The following OXR1 variants were observed in gnomAD, a reference collection of about 807,000 sequenced individuals.
The protein encoded by OXR1 is oxidation resistance protein 1.
A neutral mutation model predicts 104.6 loss-of-function variants in OXR1; 41 were observed. That is an observed-to-expected ratio of 0.39 (90% CI 0.31 to 0.51). The LOEUF is 0.51. Ranked by LOEUF, OXR1 falls within the 20% of genes least tolerant of loss-of-function variation. OXR1 has a pLI of 0.77. For synonymous variants in OXR1, 348 were observed against 348.4 expected (o/e 1.00, Z 0.01); for missense variants, 955 against 1,031.9 (o/e 0.93, Z 1.02).
intron 1 of OXR1, among the ~76,000 whole-genome samples, chr8:106,345,823 A>G (rs1299740690): frequency 6.6e-6 from 1 of 152,210 alleles, no homozygotes; most frequent in Non-Finnish European, 1.5e-5. Flanking sequence ...TCACTCAAGC[A>G]TAATATGGTA....
chr8:106,663,222 A>G lies in OXR1; in HGVS notation c.221-15988A>G, dbSNP rs566570081. Among the ~76,000 whole-genome samples the G allele has an allele frequency of 1.3e-4, 20 of 152,248 alleles. No individual in the cohort carries two copies. The South Asian group carries it at 3.7e-3, about 28-fold the overall frequency. On this transcript the variant is annotated intron_variant, in intron 3 of 16. Transcript: ENST00000517566. ...GATGACATAGTACTATTATTATCCT[A>G]TTTTCCTTTTGAAAAATCTGAGCCA... is the stretch of plus-strand genomic sequence containing the variant.
intron 1 of OXR1, among the ~76,000 whole-genome samples, chr8:106,312,664 A>G (rs1813757986): frequency 6.6e-6 from 1 of 152,224 alleles, no homozygotes; most frequent in Non-Finnish European, 1.5e-5. Flanking sequence ...TGTTGCACCT[A>G]TATGAATTAA....
rs375203662 is a variant in OXR1 at position 106,369,611 on chromosome 8, A to G, written c.23+9975A>G. 5.3e-5 allele frequency among the ~76,000 whole-genome samples: 8 copies of G among 152,308 alleles called. No individual in the cohort carries two copies. The East Asian group carries it at 1.2e-3, about 22-fold the overall frequency. ...AAGGGGTCCAGTTTCAGTTTTCTGC[A>G]TATGGCTAGTCAGTTTTCCCAGCAC... On this transcript the variant is annotated intron_variant, in intron 2 of 16. Coordinates refer to ENST00000517566, the MANE Select transcript of OXR1 (RefSeq NM_001198533.2).
chr8:106,373,616 G>A (rs1048119634), intron 2 of OXR1, among the ~76,000 whole-genome samples: 1 of 152,088 alleles, frequency 6.6e-6, no homozygotes, highest in Non-Finnish European at 1.5e-5. Flanking sequence ...TTTTTAGACA[G>A]TCTCCCTCTG....
At chr8:106,683,640 A>G (rs1026923740) in intron 5 of OXR1, among the ~76,000 whole-genome samples, 1 of 152,186 alleles carries the variant, frequency 6.6e-6, no homozygotes, top group African/African-American at 2.4e-5. Context: ...TCTTTTCCAG[A>G]AGCAACCAGT....
intron 3 of OXR1, among the ~76,000 whole-genome samples, chr8:106,667,466 G>A (rs1280591299): frequency 1.3e-5 from 2 of 152,270 alleles, no homozygotes; most frequent in Non-Finnish European, 2.9e-5. Flanking sequence ...GCCAACCTCT[G>A]GATAGTATTG....
intron 3 of OXR1, among the ~76,000 whole-genome samples, chr8:106,629,763 T>C (rs764004608): frequency 2.0e-5 from 3 of 152,192 alleles, no homozygotes; most frequent in Non-Finnish European, 2.9e-5. Flanking sequence ...TTCTGCATTA[T>C]TATTCTGCTA....
intron 3 of OXR1, among the ~76,000 whole-genome samples, chr8:106,619,041 C>T (rs941959987): frequency 3.9e-5 from 6 of 152,068 alleles, no homozygotes; most frequent in Non-Finnish European, 7.4e-5. Flanking sequence ...AGATGGAATT[C>T]ATTATTGACT....
intron 3 of OXR1, among the ~76,000 whole-genome samples, chr8:106,593,591 A>G (rs1819277712): frequency 6.6e-6 from 1 of 151,728 alleles, no homozygotes; most frequent in African/African-American, 2.4e-5. Flanking sequence ...ATCCTGGCTA[A>G]CACGGTGAAA....
At chr8:106,635,447 TTTTG>T (rs2130912590) in intron 3 of OXR1, among the ~76,000 whole-genome samples, 1 of 152,214 alleles carries the variant, frequency 6.6e-6, no homozygotes, top group South Asian at 2.1e-4. Flanking sequence ...GTGCATTTGT[TTTTG>T]TTTTTGTTTT....
At chr8:106,749,616 G>T (rs1835703911) in intron 16 of OXR1, among the ~76,000 whole-genome samples, 1 of 152,034 alleles carries the variant, frequency 6.6e-6, no homozygotes. Flanking sequence ...TCCCAGACCA[G>T]TTTTTTTCTT....
intron 1 of OXR1, among the ~76,000 whole-genome samples, chr8:106,304,810 G>A (rs975699213): frequency 3.9e-5 from 6 of 152,040 alleles, no homozygotes; most frequent in African/African-American, 1.4e-4. Flanking sequence ...ACATATATTG[G>A]CAGGTTCTAC....
intron 2 of OXR1, among the ~76,000 whole-genome samples, chr8:106,452,423 A>G (rs1408541408): frequency 6.6e-6 from 1 of 152,192 alleles, no homozygotes; most frequent in African/African-American, 2.4e-5. Flanking sequence ...TCTTTAAAAT[A>G]TCATGCTCAG....
At chr8:106,396,333 T>G (rs1817781374) in intron 2 of OXR1, among the ~76,000 whole-genome samples, 1 of 151,902 alleles carries the variant, frequency 6.6e-6, no homozygotes, top group South Asian at 2.1e-4. Context: ...TGATCAAAGT[T>G]AACGTTGCTG....
chr8:106,749,330 G>T (rs1015574561), intron 16 of OXR1, among the ~76,000 whole-genome samples: 3 of 146,878 alleles, frequency 2.0e-5, no homozygotes, highest in Non-Finnish European at 4.5e-5. Flanking sequence ...GTGACAGAGC[G>T]AGACTCTGTC....
At chr8:106,694,904 T>C (rs1829795704) in intron 7 of OXR1, among the ~76,000 whole-genome samples, 1 of 78,086 alleles carries the variant, frequency 1.3e-5, no homozygotes, top group African/African-American at 6.1e-5. Context: ...AATATATTTA[T>C]CTATTTACAT....
At chr8:106,731,896 T>A (rs1833924512) in intron 11 of OXR1, among the ~76,000 whole-genome samples, 1 of 152,140 alleles carries the variant, frequency 6.6e-6, no homozygotes, top group South Asian at 2.1e-4. Context: ...TATAAACTAT[T>A]TCTATAAATT....
intron 2 of OXR1, among the ~76,000 whole-genome samples, chr8:106,444,105 TGATCATC>T (rs751985154): frequency 7.2e-5 from 11 of 152,146 alleles, no homozygotes; most frequent in Non-Finnish European, 1.5e-4. Flanking sequence ...TCAATATGAC[TGATCATC>T]AGAGAAATGC....
In OXR1 at chr8:106,703,054, A is replaced by G; in HGVS notation, c.824A>G (p.Glu275Gly). The change falls in exon 8 of 17, where the codon GAA (glutamate) becomes GGA (glycine). Residue 275 changes from glutamate (E) to glycine (G), a missense_variant. Transcript: ENST00000517566. The part of the protein sequence containing the change: ...EEVMSAAMYK[E>G]ILDSKIKESL... The stretch of plus-strand genomic sequence containing the variant: ...GTGATGTCAGCTGCAATGTACAAAG[A>G]AATTTTGGATAGCAAAATAAAGGAA... 6.2e-7 allele frequency: 1 copy of G among 1,613,626 alleles called. No homozygotes were observed. Among genetic ancestry groups the G allele is most frequent in the Non-Finnish European group, 8.5e-7 (1 of 1,179,698 alleles).
Sources: gnomAD v4.1 joint callset for allele counts (sites outside exome capture counted in the v4.1 genomes callset) on GRCh38, gnomAD v4.1.1 for gene constraint, MANE v1.5 for transcripts, NCBI Gene and HGNC (gene_info 2026-07-23, HGNC 2026-07-21) for gene names.